Variants in GADL1 observed in about 807,000 individuals in gnomAD.
The protein encoded by GADL1 is GAD like acidic amino acid decarboxylase 1.
A neutral mutation model predicts 69.5 loss-of-function variants in GADL1; 71 were observed. The ratio of observed to expected loss-of-function variants is 1.02; its 90% CI spans 0.84 to 1.25. The LOEUF (loss-of-function observed/expected upper bound fraction) is 1.25. Among genes scored for constraint, GADL1 ranks in the 50% most tolerant of loss-of-function variants. The pLI, the probability that GADL1 is intolerant of heterozygous loss-of-function variation, is 0.00. For missense variants in GADL1, 737 were observed against 631.8 expected (o/e 1.17, Z -1.79); for synonymous variants, 254 against 214.4 (o/e 1.18, Z -1.62).
intron 12 of GADL1, among the ~76,000 whole-genome samples, chr3:30,787,985 A>C (rs1481194843): frequency 6.6e-6 from 1 of 152,164 alleles, no homozygotes; most frequent in African/African-American, 2.4e-5. Context: ...TTGTATTAAA[A>C]ATTGTCAATA....
At chr3:30,837,046 T>G (rs1697886529) in intron 9 of GADL1, among the ~76,000 whole-genome samples, 1 of 152,036 alleles carries the variant, frequency 6.6e-6, no homozygotes, top group African/African-American at 2.4e-5. Flanking sequence ...AAAATTTTTT[T>G]AAGTAAGTGC....
chr3:30,848,816 A>G (rs1698097172), intron 6 of GADL1, among the ~76,000 whole-genome samples: 1 of 152,184 alleles, frequency 6.6e-6, no homozygotes, highest in Non-Finnish European at 1.5e-5. Context: ...TTACTCATTT[A>G]ACATTTGCCA....
At chr3:30,880,544 G>T (rs1463473228) in intron 1 of GADL1, among the ~76,000 whole-genome samples, 1 of 151,900 alleles carries the variant, frequency 6.6e-6, no homozygotes, top group Non-Finnish European at 1.5e-5. Context: ...CTTTGCCTAT[G>T]CCATGATTGT....
chr3:30,866,333 C>CCT (rs1375005859), intron 1 of GADL1, among the ~76,000 whole-genome samples: 2 of 151,950 alleles, frequency 1.3e-5, no homozygotes, highest in African/African-American at 4.8e-5. Context: ...GTGGCACACA[C>CCT]CTGTAGTCCC....
At chr3:30,820,017 T>A (rs1697543969) in intron 11 of GADL1, among the ~76,000 whole-genome samples, 1 of 151,912 alleles carries the variant, frequency 6.6e-6, no homozygotes, top group Non-Finnish European at 1.5e-5. Flanking sequence ...ATTATTTTTT[T>A]AAAGAAGTTT....
intron 11 of GADL1, among the ~76,000 whole-genome samples, chr3:30,823,413 G>C (rs1390144633): frequency 6.6e-6 from 1 of 151,930 alleles, no homozygotes; most frequent in Admixed American, 6.6e-5. Flanking sequence ...TTTCTTGTTT[G>C]GGACCCAAAG....
At chr3:30,870,582 G>C (rs978553600) in intron 1 of GADL1, among the ~76,000 whole-genome samples, 2 of 151,712 alleles carry the variant, frequency 1.3e-5, no homozygotes, top group African/African-American at 4.9e-5. Flanking sequence ...ATTTATGGAA[G>C]ATTCCTCTGG....
At chr3:30,858,372 T>C (rs753085039) in intron 2 of GADL1, among the ~76,000 whole-genome samples, 4 of 152,040 alleles carry the variant, frequency 2.6e-5, no homozygotes, top group African/African-American at 9.7e-5. Context: ...GGGCAATAGC[T>C]TTAGTTGTTA....
intron 14 of GADL1, among the ~76,000 whole-genome samples, chr3:30,732,451 C>T (rs191164660): frequency 1.3e-5 from 2 of 152,262 alleles, no homozygotes; most frequent in Admixed American, 6.5e-5. Flanking sequence ...TTAATGTACA[C>T]ATTTCTGTGG....
At chr3:30,786,202 G>C (rs1455775796) in intron 13 of GADL1, among the ~76,000 whole-genome samples, 153 bp downstream of exon 13, 4 of 152,120 alleles carry the variant, frequency 2.6e-5, no homozygotes, top group Admixed American at 6.5e-5. Context: ...CTCACTAATA[G>C]AGTAAATTAA....
At chr3:30,893,534 C>T (rs1055194412) in intron 1 of GADL1, among the ~76,000 whole-genome samples, 3 of 152,206 alleles carry the variant, frequency 2.0e-5, no homozygotes, top group Middle Eastern at 3.4e-3. Flanking sequence ...CAGCCCTCTC[C>T]GCTCCCCAGC....
At chr3:30,876,269 C>T (rs1698575391) in intron 1 of GADL1, among the ~76,000 whole-genome samples, 3 of 152,158 alleles carry the variant, frequency 2.0e-5, no homozygotes, top group South Asian at 2.1e-4. Context: ...AGATCAAATT[C>T]AAATAGGTCT....
At chr3:30,835,116 T>C (rs529721748) in intron 9 of GADL1, among the ~76,000 whole-genome samples, 2 of 152,214 alleles carry the variant, frequency 1.3e-5, no homozygotes, top group East Asian at 3.9e-4. Flanking sequence ...CACTTCCACT[T>C]TTTATAAAGT....
chr3:30,831,764 A>G (rs999289636), intron 11 of GADL1, among the ~76,000 whole-genome samples: 5 of 151,944 alleles, frequency 3.3e-5, no homozygotes, highest in Non-Finnish European at 7.4e-5. Context: ...AGACATAACT[A>G]TGTCATAGAA....
At chr3:30,765,947 G>A (rs1028227510) in intron 14 of GADL1, among the ~76,000 whole-genome samples, 1 of 47,596 alleles carries the variant, frequency 2.1e-5, no homozygotes, top group Admixed American at 2.1e-4. Context: ...CTGGCAAGAC[G>A]GGAAGAAAAT....
chr3:30,773,185 TAA>T (rs1407185268), intron 14 of GADL1, among the ~76,000 whole-genome samples: 1 of 152,222 alleles, frequency 6.6e-6, no homozygotes, highest in Non-Finnish European at 1.5e-5. Context: ...TTCATCCTTA[TAA>T]AAACTTTGTT....
chr3:30,759,646 T>C (rs1006506328), intron 14 of GADL1, among the ~76,000 whole-genome samples: 1 of 152,212 alleles, frequency 6.6e-6, no homozygotes, highest in South Asian at 2.1e-4. Context: ...AAACCTGTTT[T>C]TTAAAAGTGA....
rs1462828551 is a variant in GADL1 at position 30,870,535 on chromosome 3, AG to A, written c.38-8771del. ...TCTAAAATCAACAAGAAGCCACTTAAGGGTTTTAAACAGAGGAGTAACATGA... is the reference window on the plus strand; with the variant it reads ...TCTAAAATCAACAAGAAGCCACTTAAGGTTTTAAACAGAGGAGTAACATGA... On this transcript the variant is annotated intron_variant, in intron 1 of 14. Coordinates refer to ENST00000282538, the MANE Select transcript of GADL1 (RefSeq NM_207359.3). Among the ~76,000 whole-genome samples, 4 of 151,898 alleles carry A rather than the reference AG, an allele frequency of 2.6e-5. No homozygotes were observed. In the East Asian group the frequency reaches 7.8e-4, roughly 30 times the overall value.
At chr3:30,808,620 G>T (rs182231027) in intron 11 of GADL1, among the ~76,000 whole-genome samples, 1 of 152,222 alleles carries the variant, frequency 6.6e-6, no homozygotes, top group Admixed American at 6.5e-5. Flanking sequence ...AGACTATTTG[G>T]ATGTCATCTA....
Sources: allele counts gnomAD v4.1 joint callset (sites outside exome capture counted in the v4.1 genomes callset), GRCh38; gene constraint gnomAD v4.1.1; transcripts MANE v1.5; gene names NCBI Gene and HGNC (gene_info 2026-07-23, HGNC 2026-07-21).